ATR: variants seen among roughly 807,000 people sequenced by gnomAD.
The protein encoded by ATR is serine/threonine-protein kinase ATR.
In ATR, 142 loss-of-function variants were observed where a neutral mutation model predicts 305.3. The ratio of observed to expected loss-of-function variants is 0.47; its 90% CI spans 0.41 to 0.53. ATR has a LOEUF of 0.53. ATR is among the 20% of genes least tolerant of loss of function. The pLI is 0.00. For synonymous variants in ATR, 1,050 were observed against 1,068.1 expected, an observed-to-expected ratio of 0.98 and a Z score of 0.33; for missense variants, 2,135 against 3,133.1, an observed-to-expected ratio of 0.68 and a Z score of 7.60.
chr3:142,507,861 TG>T, intron 28 of ATR, 69 bp downstream of exon 28: 1 of 1,387,206 alleles, frequency 7.2e-7, no homozygotes, highest in Non-Finnish European at 1.0e-6. Context: ...TTCAATAAAA[TG>T]AACAACATAA....
intron 27 of ATR, 37 bp from the exon 28 acceptor site, chr3:142,508,146 T>C (rs750448763): frequency 1.9e-6 from 3 of 1,541,466 alleles, no homozygotes; most frequent in Non-Finnish European, 1.8e-6. Flanking sequence ...TAAAGACTTA[T>C]AAGATAAAAT....
intron 30 of ATR, among the ~76,000 whole-genome samples, chr3:142,502,814 G>A (rs2032041401): frequency 6.6e-6 from 1 of 152,182 alleles, no homozygotes; most frequent in Non-Finnish European, 1.5e-5. Flanking sequence ...CAAGAGCAGT[G>A]CTAATCTCCA....
At chr3:142,558,139 C>G in intron 8 of ATR, among the ~76,000 whole-genome samples, 1 of 152,050 alleles carries the variant, frequency 6.6e-6, no homozygotes, top group Non-Finnish European at 1.5e-5. Flanking sequence ...ATCTAACCCC[C>G]TTCTGAACTA....
At chr3:142,530,195 A>G (rs1419876131) in intron 21 of ATR, among the ~76,000 whole-genome samples, 1 of 152,046 alleles carries the variant, frequency 6.6e-6, no homozygotes, top group East Asian at 1.9e-4. Context: ...TTAGTCAAAT[A>G]TATTCTCCCC....
At chr3:142,560,178 C>T in intron 6 of ATR, 85 bp downstream of exon 6, 2 of 1,345,426 alleles carry the variant, frequency 1.5e-6, no homozygotes, top group South Asian at 2.4e-5. Flanking sequence ...TCTAAGGTTA[C>T]ATGAGTCAAG....
At chr3:142,516,298 G>A (rs953355434) in intron 24 of ATR, among the ~76,000 whole-genome samples, 3 of 151,836 alleles carry the variant, frequency 2.0e-5, no homozygotes, top group Admixed American at 6.6e-5. Context: ...CTTTTCCAGC[G>A]GTATTCATCT....
chr3:142,505,100 G>C (rs879093925), intron 29 of ATR, 39 bp downstream of exon 29: 3 of 1,608,224 alleles, frequency 1.9e-6, no homozygotes, highest in Non-Finnish European at 2.6e-6. Flanking sequence ...CCTATTCAGG[G>C]CTATTTTCAT....
chr3:142,526,865 T>G (rs901629106), intron 21 of ATR, among the ~76,000 whole-genome samples: 4 of 151,822 alleles, frequency 2.6e-5, no homozygotes, highest in East Asian at 3.9e-4. Flanking sequence ...CTTGGCTCAC[T>G]GCAGCCTCAA....
intron 45 of ATR, among the ~76,000 whole-genome samples, chr3:142,454,635 G>C (rs2070866029): frequency 1.3e-5 from 2 of 151,674 alleles, no homozygotes; most frequent in South Asian, 4.2e-4. Context: ...TAGAGACAGG[G>C]TTTCACCGTG....
Position 142,524,017 on chromosome 3 carries a change from A to G in ATR, c.4128T>C (p.Thr1376=). 6.2e-7 allele frequency: 1 copy of G among 1,613,990 alleles called. No homozygotes were observed. Among genetic ancestry groups the G allele is most frequent in the Non-Finnish European group, 8.5e-7 (1 of 1,179,952 alleles). ...CCACAAATGTAAAATCTTTTCCTTG[A>G]GTTTCAGTTGTTGAGAAATCTAATC... ...PGRLDFSTTE[T]QGKDFTFVTG... is the part of the protein sequence containing the mutation. Residue 1376 remains threonine (T), a synonymous_variant, in exon 22 of 47, where the codon ACT becomes ACC. Transcript: ENST00000350721.
intron 1 of ATR, among the ~76,000 whole-genome samples, chr3:142,575,842 G>A (rs2035419780): frequency 6.6e-6 from 1 of 152,174 alleles, no homozygotes; most frequent in South Asian, 2.1e-4. Flanking sequence ...AGCAAAAGAG[G>A]GATAAAAGGT....
At chr3:142,498,956 C>T (rs1438315720) in intron 31 of ATR, among the ~76,000 whole-genome samples, 182 bp from the exon 32 acceptor site, 2 of 152,016 alleles carry the variant, frequency 1.3e-5, no homozygotes, top group African/African-American at 4.8e-5. Context: ...TTATAGCTCA[C>T]TGCAGCCTTG....
chr3:142,543,359 C>A (rs897992349), intron 16 of ATR, among the ~76,000 whole-genome samples: 1 of 151,464 alleles, frequency 6.6e-6, no homozygotes, highest in African/African-American at 2.4e-5. Context: ...TTCCTTCCTT[C>A]CTCCCTCCGT....
intron 27 of ATR, among the ~76,000 whole-genome samples, chr3:142,511,824 C>G (rs933652431): frequency 6.6e-6 from 1 of 152,014 alleles, no homozygotes; most frequent in African/African-American, 2.4e-5. Context: ...TTTAAAAATA[C>G]ACAAAACAGC....
chr3:142,482,971 C>T (rs2030625029), intron 36 of ATR, among the ~76,000 whole-genome samples: 1 of 149,670 alleles, frequency 6.7e-6, no homozygotes, highest in Admixed American at 6.7e-5. Flanking sequence ...ATCCTGAGAA[C>T]ATATGCCCCC....
chr3:142,476,914 A>C (rs373357423), intron 36 of ATR, among the ~76,000 whole-genome samples: 1 of 152,100 alleles, frequency 6.6e-6, no homozygotes, highest in South Asian at 2.1e-4. Flanking sequence ...TTGGTGTATA[A>C]GTATGCTTGT....
In ATR at chr3:142,555,783, G is replaced by A. The variant is rs562631215; in HGVS notation, c.2341+94C>T. 4 of 1,420,168 alleles carry A rather than the reference G, an allele frequency of 2.8e-6. No individual in the cohort carries two copies. The African/African-American group carries it at 4.3e-5, about 15-fold the overall frequency. 88.0% of individuals were successfully genotyped at this position (1,420,168 alleles called of 1,614,324 possible). A position where few individuals can be genotyped will look rare whatever the true frequency, so the allele number is the denominator to read the frequency against. On this transcript the variant is annotated intron_variant, in intron 10 of 46. Coordinates refer to ENST00000350721, the MANE Select transcript of ATR (RefSeq NM_001184.4). The stretch of plus-strand genomic sequence containing the variant: ...GAATCTATAAAGCATGTAACTTCCT[G>A]TAATTTTTCAAGGCTTCAGTCTAAT...
intron 45 of ATR, 92 bp downstream of exon 45, chr3:142,457,511 CA>C: frequency 6.8e-7 from 1 of 1,470,672 alleles, no homozygotes; most frequent in Non-Finnish European, 9.4e-7. Context: ...TCAGTCAGTA[CA>C]AAGTGGTTTC....
intron 34 of ATR, among the ~76,000 whole-genome samples, chr3:142,495,904 A>T (rs2031562715): frequency 6.6e-6 from 1 of 152,094 alleles, no homozygotes; most frequent in Non-Finnish European, 1.5e-5. Flanking sequence ...TTCTGGCTAG[A>T]TCAGAGCTGA....
Sources: gnomAD v4.1 joint callset for allele counts (sites outside exome capture counted in the v4.1 genomes callset) on GRCh38, gnomAD v4.1.1 for gene constraint, MANE v1.5 for transcripts, NCBI Gene and HGNC (gene_info 2026-07-23, HGNC 2026-07-21) for gene names.